Variants in NLRP5 observed in about 807,000 individuals in gnomAD.
NLRP5 encodes the protein NLR family pyrin domain containing 5, also known as NACHT, LRR and PYD domains-containing protein 5.
A neutral mutation model predicts 113.1 loss-of-function variants in NLRP5; 93 were observed. The observed-to-expected ratio is 0.82, with a 90% CI of 0.70 to 0.98. The LOEUF (loss-of-function observed/expected upper bound fraction) is 0.98, where lower values mean the gene tolerates loss of function less well. Among genes scored for constraint, NLRP5 ranks in the 50% least tolerant of loss-of-function variants. The pLI, the probability that NLRP5 is intolerant of heterozygous loss-of-function variation, is 0.00. For synonymous variants in NLRP5, 751 were observed against 600.7 expected (o/e 1.25, Z -3.66); for missense variants, 1,808 against 1,514.3 (o/e 1.19, Z -3.22).
chr19:56,055,345 T>C (rs1281046852), intron 13 of NLRP5, among the ~76,000 whole-genome samples: 1 of 151,828 alleles, frequency 6.6e-6, no homozygotes, highest in African/African-American at 2.4e-5. Context: ...CATCACACCT[T>C]GGTTCTCTGT....
rs929739483 is a variant in NLRP5 at position 56,050,069 on chromosome 19, C to T, written c.2958-349C>T. On this transcript the variant is annotated intron_variant, in intron 11 of 14. Coordinates refer to ENST00000390649, the MANE Select transcript of NLRP5 (RefSeq NM_153447.4). The stretch of plus-strand genomic sequence containing the variant: ...CCAAGGTGGGCAGATCACCTGAGGT[C>T]AGGAGTTCGAGACCATCCTGGTCAA... 3.3e-5 allele frequency among the ~76,000 whole-genome samples: 5 copies of T among 152,186 alleles called. No homozygotes were observed. In the South Asian group the frequency reaches 6.2e-4, roughly 19 times the overall value.
At chr19:56,016,518 C>G (rs558915208) in intron 4 of NLRP5, among the ~76,000 whole-genome samples, 268 of 152,236 alleles carry the variant, frequency 1.8e-3, no homozygotes, top group African/African-American at 6.2e-3. Flanking sequence ...AACCAGTCAC[C>G]ACGTTGTGCA....
In NLRP5 at chr19:56,010,742, C is replaced by CAAAAAAAAAAAAAAA. The variant is rs1412317286; in HGVS notation, c.508+1902_508+1903insAAAAAAAAAAAAAAA. On this transcript the variant is annotated intron_variant, in intron 3 of 14. Transcript: ENST00000390649. Reference sequence around the variant, plus strand: ...GGGAAACAAGAGCTTAACTCTGTCTCAAAAAAAAAAAAAGTCCCTTGAAAC... The same window carrying CAAAAAAAAAAAAAAA: ...GGGAAACAAGAGCTTAACTCTGTCTCAAAAAAAAAAAAAAAAAAAAAAAAAAAAGTCCCTTGAAAC... 1.9e-3 allele frequency among the ~76,000 whole-genome samples: 77 copies of CAAAAAAAAAAAAAAA among 41,244 alleles called. 11 individuals carry two copies. Among genetic ancestry groups the CAAAAAAAAAAAAAAA allele is most frequent in the South Asian group, 2.5e-3 (3 of 1,200 alleles). The allele number at this position is 41,244 out of a possible 152,430, so 27.1% of individuals were successfully genotyped here.
intron 11 of NLRP5, 132 bp downstream of exon 11, chr19:56,041,224 C>T (rs2123323776): frequency 1.2e-6 from 1 of 812,000 alleles, no homozygotes; most frequent in East Asian, 2.5e-5. Context: ...ATGCTGAATT[C>T]TGTCCATGTC....
intron 7 of NLRP5, among the ~76,000 whole-genome samples, chr19:56,029,737 C>G (rs1983018681): frequency 6.6e-6 from 1 of 152,082 alleles, no homozygotes; most frequent in Middle Eastern, 3.4e-3. Flanking sequence ...GTTTTTGAGA[C>G]CAGCCTGGGC....
chr19:56,044,905 T>C (rs1322253197), intron 11 of NLRP5, among the ~76,000 whole-genome samples: 2 of 152,224 alleles, frequency 1.3e-5, no homozygotes, highest in Non-Finnish European at 2.9e-5. Context: ...GTAGTTTTCC[T>C]TGTAGAGGTC....
chr19:56,008,786 A>G lies in NLRP5; in HGVS notation c.443-2A>G. ...CAGTCTCCCTTTTTCTTTGTCTTCCAGGACATTCACCAGAAGATCCTGAAG... is the reference window on the plus strand; with the variant it reads ...CAGTCTCCCTTTTTCTTTGTCTTCCGGGACATTCACCAGAAGATCCTGAAG... On this transcript the variant is annotated splice_acceptor_variant, in intron 2 of 14. Coordinates refer to ENST00000390649, the MANE Select transcript of NLRP5 (RefSeq NM_153447.4). LOFTEE classifies it high-confidence loss of function. 1.2e-6 allele frequency: 2 copies of G among 1,608,248 alleles called. No homozygotes were observed. The highest frequency in any genetic ancestry group is 1.3e-5 in the African/African-American group (1 of 74,994).
chr19:55,999,796 C>T (rs766901847), intron 1 of NLRP5: 2 of 1,610,612 alleles, frequency 1.2e-6, no homozygotes, highest in African/African-American at 1.3e-5. Flanking sequence ...GCGTCGACAG[C>T]CTCTTAGAGT....
At chr19:56,006,237 G>A (rs1312233119) in intron 2 of NLRP5, among the ~76,000 whole-genome samples, 1 of 152,054 alleles carries the variant, frequency 6.6e-6, no homozygotes, top group East Asian at 1.9e-4. Flanking sequence ...AAAACGCTTG[G>A]ACACAGGAAG....
At chr19:56,061,185 G>T (rs532334991) in intron 14 of NLRP5, among the ~76,000 whole-genome samples, 2 of 152,280 alleles carry the variant, frequency 1.3e-5, no homozygotes, top group African/African-American at 2.4e-5. Context: ...AGTGGAGGGG[G>T]AGTCTCCATG....
rs774749658 is a variant in NLRP5, at chr19:56,027,332, C to T, written c.1099C>T (p.Leu367=). ...GTTCATCATTGACGGTTTCGATGAC[C>T]TGGGCTCTGTCCTCAACAATGACAC... The change falls in exon 7 of 15, where the codon CTG becomes TTG. Residue 367 remains leucine (L), a synonymous_variant. Coordinates refer to ENST00000390649, the MANE Select transcript of NLRP5 (RefSeq NM_153447.4). 9 of 1,612,812 alleles carry T rather than the reference C, an allele frequency of 5.6e-6. No homozygotes were observed. The African/African-American group carries it at 1.2e-4, about 22-fold the overall frequency.
chr19:56,025,497 C>G (rs1982806883), intron 6 of NLRP5, among the ~76,000 whole-genome samples: 1 of 152,062 alleles, frequency 6.6e-6, no homozygotes, highest in Non-Finnish European at 1.5e-5. Context: ...GCTCCACCTT[C>G]TGCGTTCATG....
intron 7 of NLRP5, among the ~76,000 whole-genome samples, chr19:56,028,872 C>T (rs1310637773): frequency 6.6e-6 from 1 of 152,172 alleles, no homozygotes; most frequent in Non-Finnish European, 1.5e-5. Flanking sequence ...TCAAGAGATT[C>T]TCCTGCCTCA....
chr19:56,005,613 CAT>C (rs1190399634), intron 2 of NLRP5, among the ~76,000 whole-genome samples: 1 of 145,258 alleles, frequency 6.9e-6, no homozygotes, highest in African/African-American at 2.6e-5. Flanking sequence ...CCTGTACACA[CAT>C]ATATATTTAT....
In NLRP5 at chr19:56,008,845, A is replaced by C. The variant is rs769512220; in HGVS notation, c.500A>C (p.Lys167Thr). The stretch of plus-strand genomic sequence containing the variant: ...ACTGACCAAGGACCAAGCAAGGAAA[A>C]AGTGCCAGGTTAGAGGGGTGGAGTT... The change falls in exon 3 of 15, where the codon AAA (lysine) becomes ACA (threonine). Residue 167 changes from lysine to threonine, a missense_variant. Physicochemically the swap from Lys to Thr is moderately conservative, Grantham distance 78. Transcript: ENST00000390649. The C allele has an allele frequency of 1.1e-5, 17 of 1,612,278 alleles. No individual in the cohort carries two copies. Among genetic ancestry groups the C allele is most frequent in the Non-Finnish European group, 1.4e-5 (17 of 1,179,244 alleles).
In NLRP5 at chr19:56,054,205, G is replaced by A. The variant is rs141971607; in HGVS notation, c.3299+397G>A. ...CCTTAAAACTTCAGTGAGCATCAGA[G>A]CCAGCCAGGGGCTTAAGACAGAGCT... On this transcript the variant is annotated intron_variant, in intron 13 of 14. Coordinates refer to ENST00000390649, the MANE Select transcript of NLRP5 (RefSeq NM_153447.4). 5.4e-3 allele frequency among the ~76,000 whole-genome samples: 820 copies of A among 152,278 alleles called. 6 individuals carry two copies. Among genetic ancestry groups the A allele is most frequent in the Non-Finnish European group, 8.8e-3 (602 of 68,028 alleles).
At position 56,037,062 on chromosome 19, in the gene NLRP5, G is replaced by A. The variant is rs568892973; in HGVS notation, c.2616-963G>A. On this transcript the variant is annotated intron_variant, in intron 9 of 14. Coordinates refer to ENST00000390649, the MANE Select transcript of NLRP5 (RefSeq NM_153447.4). ...TAATATTCTAATCCTCACAACCATC[G>A]CTGAGGTTGGTAGTGCTGTTGTCCT... Among the ~76,000 whole-genome samples, 5 of 152,264 alleles carry A rather than the reference G, an allele frequency of 3.3e-5. No homozygotes were observed. The South Asian group carries it at 8.3e-4, about 25-fold the overall frequency.
intron 13 of NLRP5, 26 bp downstream of exon 13, chr19:56,053,834 G>C: frequency 6.2e-7 from 1 of 1,606,842 alleles, no homozygotes; most frequent in Middle Eastern, 1.9e-4. Flanking sequence ...GCCTCTTTGC[G>C]GGCCGGGCTG....
chr19:56,044,279 G>A (rs894999204), intron 11 of NLRP5, among the ~76,000 whole-genome samples: 8 of 151,334 alleles, frequency 5.3e-5, no homozygotes, highest in Non-Finnish European at 5.9e-5. Context: ...AGCCAGGCTG[G>A]TCTCGAACTC....
Sources: gnomAD v4.1 joint callset for allele counts (sites outside exome capture counted in the v4.1 genomes callset) on GRCh38, gnomAD v4.1.1 for gene constraint, MANE v1.5 for transcripts, NCBI Gene and HGNC (gene_info 2026-07-23, HGNC 2026-07-21) for gene names.